Variants in COL23A1 observed in about 807,000 individuals in gnomAD.
COL23A1 encodes the protein collagen type XXIII alpha 1 chain, also known as collagen alpha-1(XXIII) chain.
COL23A1 carries 97 observed loss-of-function variants against 99.3 expected under a neutral mutation model. The observed-to-expected ratio is 0.98, with a 90% CI of 0.83 to 1.16. COL23A1 has a LOEUF of 1.16. Ranked by LOEUF, COL23A1 falls within the 50% of genes most tolerant of loss-of-function variation. The probability of loss-of-function intolerance (pLI) is 0.00; values close to 1 mark genes in which losing one functional copy is unlikely to be tolerated. For missense variants in COL23A1, 762 were observed against 757.4 expected (o/e 1.01, Z -0.07); for synonymous variants, 320 against 308.2 (o/e 1.04, Z -0.40).
intron 2 of COL23A1, among the ~76,000 whole-genome samples, chr5:178,540,648 G>A (rs6874346): frequency 0.064 from 9,671 of 151,988 alleles, 380 homozygotes; most frequent in South Asian, 0.14. Flanking sequence ...GTGGCTGGGC[G>A]TGGTGGCTCA....
At chr5:178,566,918 G>C (rs144654029) in intron 1 of COL23A1, among the ~76,000 whole-genome samples, 1 of 152,170 alleles carries the variant, frequency 6.6e-6, no homozygotes, top group Non-Finnish European at 1.5e-5. Flanking sequence ...TTTCTCACAG[G>C]GATTCAGGTT....
chr5:178,244,370 C>T (rs963472777), intron 25 of COL23A1, among the ~76,000 whole-genome samples: 6 of 152,200 alleles, frequency 3.9e-5, no homozygotes, highest in African/African-American at 1.4e-4. Context: ...CTCAAAATAG[C>T]TACCTGATTT....
chr5:178,296,124 G>A (rs1246270030), intron 3 of COL23A1, among the ~76,000 whole-genome samples: 1 of 152,216 alleles, frequency 6.6e-6, no homozygotes, highest in African/African-American at 2.4e-5. Context: ...GCTCCTCCCA[G>A]CTTTTGCTGC....
At chr5:178,371,930 A>G (rs759201403) in intron 2 of COL23A1, among the ~76,000 whole-genome samples, 1 of 152,254 alleles carries the variant, frequency 6.6e-6, no homozygotes, top group South Asian at 2.1e-4. Context: ...TTAGTTAAGA[A>G]GGATTTTAGA....
chr5:178,290,967 T>C (rs1465155874), intron 3 of COL23A1, among the ~76,000 whole-genome samples: 1 of 152,208 alleles, frequency 6.6e-6, no homozygotes, highest in Non-Finnish European at 1.5e-5. Flanking sequence ...TTGTGAAGCA[T>C]GTTGCATACT....
At chr5:178,275,785 T>A (rs1008473311) in intron 5 of COL23A1, among the ~76,000 whole-genome samples, 2 of 152,176 alleles carry the variant, frequency 1.3e-5, no homozygotes, top group African/African-American at 4.8e-5. Context: ...CGGGAGCTGA[T>A]TCACCGGAGT....
intron 2 of COL23A1, among the ~76,000 whole-genome samples, chr5:178,397,284 C>T (rs1049799642): frequency 2.6e-5 from 4 of 152,214 alleles, no homozygotes; most frequent in Non-Finnish European, 4.4e-5. Flanking sequence ...CAAAAGAAAA[C>T]GGCAGGGATG....
rs1561895550 is a variant in COL23A1, at chr5:178,358,002, A to ATGTATGTG, written c.362-51091_362-51084dup. ...TATATGTGTGTATGCGTGTGTGTATATGTATGTGTGTGTATGTGTGTGTAT... is the reference window on the plus strand; with the variant it reads ...TATATGTGTGTATGCGTGTGTGTATATGTATGTGTGTATGTGTGTGTATGTGTGTGTAT... On this transcript the variant is annotated intron_variant, in intron 2 of 28. Coordinates refer to ENST00000390654, the MANE Select transcript of COL23A1 (RefSeq NM_173465.4). 1.7e-4 allele frequency among the ~76,000 whole-genome samples: 18 copies of ATGTATGTG among 106,776 alleles called. 1 individual carries two copies. Among genetic ancestry groups the ATGTATGTG allele is most frequent in the Middle Eastern group, 5.4e-3 (1 of 184 alleles). The allele number at this position is 106,776 out of a possible 152,430, so 70.0% of individuals were successfully genotyped here. A position where few individuals can be genotyped will look rare whatever the true frequency, so the allele number is the denominator to read the frequency against.
At chr5:178,377,904 T>C (rs1405950688) in intron 2 of COL23A1, 1 of 152,270 alleles carries the variant, frequency 6.6e-6, no homozygotes, top group Non-Finnish European at 1.5e-5. Flanking sequence ...GAGAAGGGAT[T>C]TACTCAAGAG....
At chr5:178,304,505 CAAAAAAAAAAAAAA>C (rs35806686) in intron 3 of COL23A1, among the ~76,000 whole-genome samples, 7 of 32,220 alleles carry the variant, frequency 2.2e-4, no homozygotes, top group African/African-American at 8.3e-5. Flanking sequence ...GCGACTGTCT[CAAAAAAAAAAAAAA>C]AAAAAAAAAA....
At chr5:178,440,948 T>G (rs1253755003) in intron 2 of COL23A1, among the ~76,000 whole-genome samples, 1 of 152,174 alleles carries the variant, frequency 6.6e-6, no homozygotes, top group Non-Finnish European at 1.5e-5. Flanking sequence ...GTGTATTATC[T>G]CTATGTGTAC....
intron 10 of COL23A1, 107 bp from the exon 11 acceptor site, chr5:178,261,855 C>T: frequency 1.0e-6 from 1 of 993,694 alleles, no homozygotes; most frequent in Non-Finnish European, 1.6e-6. Flanking sequence ...TCCCAGAGAG[C>T]AGGAGGCTGG....
At chr5:178,319,388 G>A (rs938936831) in intron 2 of COL23A1, among the ~76,000 whole-genome samples, 7 of 152,180 alleles carry the variant, frequency 4.6e-5, no homozygotes, top group African/African-American at 1.7e-4. Flanking sequence ...TTCAGAGAAT[G>A]AAAAGCTCTA....
At chr5:178,385,102 T>G (rs765896421) in intron 2 of COL23A1, among the ~76,000 whole-genome samples, 1 of 152,086 alleles carries the variant, frequency 6.6e-6, no homozygotes, top group Non-Finnish European at 1.5e-5. Context: ...GAACAAGCAT[T>G]GGGGTGGGGT....
intron 2 of COL23A1, among the ~76,000 whole-genome samples, chr5:178,510,694 AAAAT>A (rs1759157698): frequency 1.1e-5 from 1 of 89,444 alleles, no homozygotes; most frequent in African/African-American, 3.2e-5. Flanking sequence ...ATAAAAATAA[AAAAT>A]AAAAAAAAGA....
At chr5:178,290,253 T>C (rs1757382457) in intron 4 of COL23A1, 109 bp downstream of exon 4, 6 of 1,519,326 alleles carry the variant, frequency 3.9e-6, no homozygotes, top group Non-Finnish European at 5.5e-6. Flanking sequence ...GGACTGATGT[T>C]TTCTGAGGAC....
At chr5:178,295,705 G>A (rs1422168306) in intron 3 of COL23A1, among the ~76,000 whole-genome samples, 1 of 152,256 alleles carries the variant, frequency 6.6e-6, no homozygotes, top group Non-Finnish European at 1.5e-5. Context: ...TGTTGAGATA[G>A]TAAAAGTATT....
At chr5:178,245,730 C>T (rs1764656710) in intron 25 of COL23A1, among the ~76,000 whole-genome samples, 1 of 152,214 alleles carries the variant, frequency 6.6e-6, no homozygotes, top group South Asian at 2.1e-4. Context: ...TCCATTTATC[C>T]ATCCATCAAC....
Position 178,439,601 on chromosome 5 carries a change from TG to T in COL23A1, c.361+121080del, listed in dbSNP as rs1359451465. 6.6e-6 allele frequency: 1 copy of T among 152,158 alleles called. No individual in the cohort carries two copies. The highest frequency in any genetic ancestry group is 1.5e-5 in the Non-Finnish European group (1 of 68,038). The allele number at this position is 152,158 out of a possible 1,614,324, so 9.4% of individuals were successfully genotyped here. A position where few individuals can be genotyped will look rare whatever the true frequency, so the allele number is the denominator to read the frequency against. On this transcript the variant is annotated intron_variant, in intron 2 of 28. Coordinates refer to ENST00000390654, the MANE Select transcript of COL23A1 (RefSeq NM_173465.4). This position sits in a 1 kb window ranked among gnomAD's most constrained non-coding sequence, Gnocchi z 4.2. Reference sequence around the variant, plus strand: ...GTGAAGACACGAGATAAGCTGCTGGTGGGAACACGCCACGGTGCAGCTGCTT... The same window carrying T: ...GTGAAGACACGAGATAAGCTGCTGGTGGAACACGCCACGGTGCAGCTGCTT...
Sources: gnomAD v4.1 joint callset for allele counts (sites outside exome capture counted in the v4.1 genomes callset) on GRCh38, gnomAD v4.1.1 for gene constraint, Gnocchi (gnomAD v3.1) non-coding constraint, MANE v1.5 for transcripts, NCBI Gene and HGNC (gene_info 2026-07-23, HGNC 2026-07-21) for gene names.